MYH11: variants seen among roughly 807,000 people sequenced by gnomAD.
MYH11 encodes the protein myosin heavy chain 11.
Under a neutral mutation model 246.6 loss-of-function variants are expected in MYH11, and 80 were observed. The ratio of observed to expected loss-of-function variants is 0.32; its 90% CI spans 0.27 to 0.39. The LOEUF is 0.39. Among genes scored for constraint, MYH11 ranks in the 10% least tolerant of loss-of-function variants. The pLI is 1.00. For synonymous variants in MYH11, 1,071 were observed against 1,015.5 expected (o/e 1.05, Z -1.04); for missense variants, 2,158 against 2,546.8 (o/e 0.85, Z 3.29).
intron 1 of MYH11, among the ~76,000 whole-genome samples, chr16:15,843,431 C>T (rs2044106830): frequency 6.6e-6 from 1 of 151,632 alleles, no homozygotes; most frequent in Admixed American, 6.6e-5. Flanking sequence ...TGGCTCACAC[C>T]TGTAATCCCA....
chr16:15,838,689 G>A (rs890460274), intron 1 of MYH11, among the ~76,000 whole-genome samples: 14 of 151,734 alleles, frequency 9.2e-5, no homozygotes, highest in Admixed American at 5.9e-4. Flanking sequence ...GTGAAACCCC[G>A]TCTCTACTGA....
chr16:15,746,356 C>T (rs2041418269), intron 19 of MYH11, among the ~76,000 whole-genome samples: 3 of 152,134 alleles, frequency 2.0e-5, no homozygotes, highest in South Asian at 4.1e-4. Flanking sequence ...TCTGTCTTCC[C>T]TGCTTGGCTG....
At position 15,747,573 on chromosome 16, in the gene MYH11, C is replaced by G; in HGVS notation, c.2408G>C (p.Arg803Thr). The change falls in exon 19 of 41, where the codon AGA becomes ACA. Residue 803 changes from arginine to threonine, a missense_variant. Transcript: ENST00000300036. ...GGATGCAGGAAAGCATCTTTACTTT[C>G]TGGCCAAGTAGCCACGACACATCGC... is the stretch of plus-strand genomic sequence containing the variant. ...FQAMCRGYLA[R>T]KAFAKRQQQL... The G allele has an allele frequency of 6.2e-7, 1 of 1,614,146 alleles. No homozygotes were observed. The highest frequency in any genetic ancestry group is 8.5e-7 in the Non-Finnish European group (1 of 1,180,036).
At chr16:15,728,990 G>A (rs544916990) in intron 27 of MYH11, among the ~76,000 whole-genome samples, 42 of 152,010 alleles carry the variant, frequency 2.8e-4, no homozygotes, top group Non-Finnish European at 4.7e-4. Context: ...CAAGTATCCC[G>A]AGAGGACGAG....
intron 9 of MYH11, among the ~76,000 whole-genome samples, chr16:15,769,134 G>A (rs1224442105): frequency 3.3e-5 from 5 of 152,166 alleles, no homozygotes; most frequent in East Asian, 1.9e-4. Flanking sequence ...CCAACATGGC[G>A]AGACCCAGTA....
intron 26 of MYH11, 54 bp downstream of exon 26, chr16:15,735,312 C>T (rs1364600902): frequency 6.3e-7 from 1 of 1,595,576 alleles, no homozygotes; most frequent in African/African-American, 1.3e-5. Context: ...TCTTCTGCCC[C>T]CATCCCATTG....
At position 15,750,980 on chromosome 16, in the gene MYH11, G is replaced by C. The variant is rs2041551147; in HGVS notation, c.1865-649C>G. ...ACAAGGAGGTGGTGGGCTCTGCTAAGTTGATATTTGAGCAGAAACCAGCAA... is the reference window on the plus strand; with the variant it reads ...ACAAGGAGGTGGTGGGCTCTGCTAACTTGATATTTGAGCAGAAACCAGCAA... On this transcript the variant is annotated intron_variant, in intron 15 of 40. Transcript: ENST00000300036. This position sits in a 1 kb window ranked among gnomAD's most constrained non-coding sequence, Gnocchi z 4.3. Among the ~76,000 whole-genome samples the C allele has an allele frequency of 6.6e-6, 1 of 152,106 alleles. No homozygotes were observed. Among genetic ancestry groups the C allele is most frequent in the African/African-American group, 2.4e-5 (1 of 41,408 alleles).
At chr16:15,781,069 CTTTA>C (rs1428714297) in intron 6 of MYH11, among the ~76,000 whole-genome samples, 2 of 151,980 alleles carry the variant, frequency 1.3e-5, no homozygotes, top group Admixed American at 1.3e-4. Flanking sequence ...CTGAAATGCA[CTTTA>C]TTTATTTATT....
At chr16:15,791,498 C>T (rs1363228664) in intron 4 of MYH11, 4 of 152,314 alleles carry the variant, frequency 2.6e-5, no homozygotes, top group Middle Eastern at 3.4e-3. Flanking sequence ...CCTCTCTCCC[C>T]TATAGCATCA....
intron 4 of MYH11, chr16:15,792,865 G>A (rs2042646355): frequency 6.6e-6 from 1 of 152,208 alleles, no homozygotes; most frequent in Admixed American, 6.5e-5. Flanking sequence ...ATCCTCCTAA[G>A]TAGCTGGGAC....
At chr16:15,770,895 T>C (rs1378292150) in intron 9 of MYH11, among the ~76,000 whole-genome samples, 1 of 152,088 alleles carries the variant, frequency 6.6e-6, no homozygotes, top group African/African-American at 2.4e-5. Context: ...CTGCATCCTA[T>C]AGAGAAACAA....
chr16:15,756,799 T>C (rs1439164741), intron 13 of MYH11, among the ~76,000 whole-genome samples: 2 of 147,450 alleles, frequency 1.4e-5, no homozygotes, highest in Admixed American at 6.7e-5. Context: ...AACTCTTTTT[T>C]TTTTTTTTTT....
intron 8 of MYH11, among the ~76,000 whole-genome samples, chr16:15,772,749 A>G (rs183926694): frequency 2.6e-5 from 4 of 152,296 alleles, no homozygotes; most frequent in Admixed American, 1.3e-4. Context: ...GAGCAAGTGA[A>G]GCTTTATCCG....
chr16:15,782,661 C>G (rs2042383912), intron 5 of MYH11, 184 bp from the exon 6 acceptor site: 1 of 607,594 alleles, frequency 1.6e-6, no homozygotes, highest in South Asian at 1.9e-5. Context: ...AAGCAACTGT[C>G]TGAGCTCTCT....
intron 40 of MYH11, 60 bp downstream of exon 40, chr16:15,714,849 G>T: frequency 6.2e-7 from 1 of 1,600,980 alleles, no homozygotes; most frequent in Non-Finnish European, 8.5e-7. Context: ...AGGAGCCCGA[G>T]CCCCCAGTGC....
chr16:15,705,339 C>G (rs1367793783), intron 40 of MYH11, among the ~76,000 whole-genome samples: 2 of 152,140 alleles, frequency 1.3e-5, no homozygotes, highest in East Asian at 1.9e-4. Flanking sequence ...TTAATGCTGC[C>G]ATCTCCTCTC....
chr16:15,704,463 AG>A (rs1223630291), intron 40 of MYH11, among the ~76,000 whole-genome samples: 1 of 152,232 alleles, frequency 6.6e-6, no homozygotes, highest in African/African-American at 2.4e-5. Flanking sequence ...TCTTTGATTT[AG>A]AATAGGAAAA....
At chr16:15,821,533 G>A (rs200362184) in intron 3 of MYH11, among the ~76,000 whole-genome samples, 1 of 152,058 alleles carries the variant, frequency 6.6e-6, no homozygotes, top group East Asian at 1.9e-4. Flanking sequence ...TTACCCATCT[G>A]TCGCTCCCCC....
intron 9 of MYH11, 129 bp downstream of exon 9, chr16:15,771,435 CTTTTT>C (rs200813930): frequency 3.4e-4 from 239 of 703,474 alleles, no homozygotes; most frequent in Admixed American, 4.6e-4. Flanking sequence ...CATTTTCCTC[CTTTTT>C]TTTTTTTTTT....
Sources: allele counts gnomAD v4.1 joint callset (sites outside exome capture counted in the v4.1 genomes callset), GRCh38; gene constraint gnomAD v4.1.1; non-coding constraint Gnocchi (gnomAD v3.1); transcripts MANE v1.5; gene names NCBI Gene and HGNC (gene_info 2026-07-23, HGNC 2026-07-21).